The following ARHGEF18 variants were observed in gnomAD, a reference collection of about 807,000 sequenced individuals.
ARHGEF18 encodes the protein Rho/Rac guanine nucleotide exchange factor 18.
In ARHGEF18, 93 loss-of-function variants were observed where a neutral mutation model predicts 155.7. That is an observed-to-expected ratio of 0.60 (90% CI 0.50 to 0.71). ARHGEF18 has a LOEUF of 0.71. Ranked by LOEUF, ARHGEF18 falls within the 30% of genes least tolerant of loss-of-function variation. The pLI is 0.00. For synonymous variants in ARHGEF18, 742 were observed against 753.1 expected, an observed-to-expected ratio of 0.99 and a Z score of 0.24; for missense variants, 1,593 against 1,816.1, an observed-to-expected ratio of 0.88 and a Z score of 2.23.
intron 1 of ARHGEF18, among the ~76,000 whole-genome samples, chr19:7,355,854 GC>G (rs1319244249): frequency 6.6e-6 from 1 of 152,170 alleles, no homozygotes; most frequent in Non-Finnish European, 1.5e-5. Flanking sequence ...ATTCTCCAGG[GC>G]CCCCTGGAAT....
chr19:7,459,313 T>C (rs1976051582), intron 19 of ARHGEF18, among the ~76,000 whole-genome samples: 1 of 152,180 alleles, frequency 6.6e-6, no homozygotes, highest in Non-Finnish European at 1.5e-5. Flanking sequence ...CCCAAACTCC[T>C]GGGCTCAAGC....
chr19:7,367,618 C>A (rs903707807), intron 2 of ARHGEF18, among the ~76,000 whole-genome samples: 1 of 150,420 alleles, frequency 6.6e-6, no homozygotes, highest in Admixed American at 6.7e-5. Flanking sequence ...TGGTGGTGGA[C>A]ACCTGTAATC....
chr19:7,477,236 C>T (rs372556304), downstream of ARHGEF18: 70 of 1,543,564 alleles, frequency 4.5e-5, 1 homozygote, highest in African/African-American at 3.5e-4. Context: ...GCCGCCGGCC[C>T]GGGCCGCCTG....
chr19:7,469,812 G>C, intron 27 of ARHGEF18, 92 bp from the exon 28 acceptor site: 6 of 1,483,788 alleles, frequency 4.0e-6, no homozygotes, highest in Non-Finnish European at 5.5e-6. Flanking sequence ...GTCAGGTGGG[G>C]GTGGCCAGGC....
At chr19:7,426,680 T>C (rs1444286731) in intron 10 of ARHGEF18, among the ~76,000 whole-genome samples, 1 of 152,124 alleles carries the variant, frequency 6.6e-6, no homozygotes, top group Non-Finnish European at 1.5e-5. Context: ...GAAATGCCGC[T>C]GCCGTGGCTG....
Position 7,379,163 on chromosome 19 carries a change from A to G in ARHGEF18, c.641A>G (p.His214Arg). ...QQVLQELRQY[H>R]GARQRACMSA... is the part of the protein sequence containing the mutation. ...GTGCTTCAAGAACTTCGACAGTACC[A>G]TGGGTAAGTGGGAATCGGGACAGGC... Residue 214 changes from histidine to arginine, a missense_variant, in exon 7 of 29, where the codon CAT becomes CGT. His to Arg is a conservative substitution (Grantham distance 29, BLOSUM62 0). Coordinates refer to ENST00000668164, the MANE Select transcript of ARHGEF18 (RefSeq NM_001367823.1). 2.4e-6 allele frequency: 3 copies of G among 1,232,474 alleles called. No homozygotes were observed. Among genetic ancestry groups the G allele is most frequent in the Non-Finnish European group, 3.0e-6 (3 of 988,310 alleles). The allele number at this position is 1,232,474 out of a possible 1,614,324, so 76.3% of individuals were successfully genotyped here. A position where few individuals can be genotyped will look rare whatever the true frequency, so the allele number is the denominator to read the frequency against.
intron 10 of ARHGEF18, among the ~76,000 whole-genome samples, chr19:7,414,967 C>T (rs1972913647): frequency 6.6e-6 from 1 of 152,058 alleles, no homozygotes; most frequent in Non-Finnish European, 1.5e-5. Context: ...TGCACTCCAG[C>T]CTGGGCCACA....
the ARHGEF18 span, among the ~76,000 whole-genome samples, chr19:7,479,149 A>G: frequency 6.6e-6 from 1 of 152,170 alleles, no homozygotes; most frequent in South Asian, 2.1e-4. Context: ...CTGGGGGGCT[A>G]GGGAAAAACA....
chr19:7,404,728 G>A (rs1972208803), intron 10 of ARHGEF18, among the ~76,000 whole-genome samples: 1 of 152,108 alleles, frequency 6.6e-6, no homozygotes, highest in Admixed American at 6.6e-5. Flanking sequence ...CAGTCCTGGA[G>A]TATTTTAGCA....
chr19:7,396,865 TGAAGTA>T (rs1001732724), intron 10 of ARHGEF18, among the ~76,000 whole-genome samples: 3 of 152,126 alleles, frequency 2.0e-5, no homozygotes, highest in Non-Finnish European at 4.4e-5. Flanking sequence ...GGGGTTTCTA[TGAAGTA>T]ATCTGTGTAA....
At chr19:7,392,240 C>CAAAAAAAAAA (rs3997574) in intron 10 of ARHGEF18, among the ~76,000 whole-genome samples, 1 of 72,054 alleles carries the variant, frequency 1.4e-5, no homozygotes, top group Non-Finnish European at 2.9e-5. Flanking sequence ...GACTCCGTCT[C>CAAAAAAAAAA]AAAAAAAAAA....
rs1970434912 is a variant in ARHGEF18, at chr19:7,375,805, G to A, written c.361G>A (p.Gly121Arg). 4 of 1,234,508 alleles carry A rather than the reference G, an allele frequency of 3.2e-6. No homozygotes were observed. The highest frequency in any genetic ancestry group is 4.0e-6 in the Non-Finnish European group (4 of 988,268). The allele number at this position is 1,234,508 out of a possible 1,614,324, so 76.5% of individuals were successfully genotyped here. Residue 121 changes from glycine to arginine, a missense_variant, in exon 4 of 29, where the codon GGG becomes AGG. Transcript: ENST00000668164. The part of the protein sequence containing the change: ...ASLALNLPGG[G>R]LKTWTQGCLS... ...CCTTGCTTTGAACCTGCCAGGAGGA[G>A]GGCTGAAGACCTGGACTCAAGGGTG...
the ARHGEF18 span, among the ~76,000 whole-genome samples, chr19:7,479,263 C>CA: frequency 6.6e-6 from 1 of 152,176 alleles, no homozygotes; most frequent in Non-Finnish European, 1.5e-5. Context: ...GCCGGTGGAT[C>CA]ACCTGAGGTC....
intron 3 of ARHGEF18, 26 bp downstream of exon 3, chr19:7,373,097 C>T: frequency 8.1e-7 from 1 of 1,234,402 alleles, no homozygotes. Context: ...CTGCCTGCTT[C>T]CCACAATGCA....
At chr19:7,447,443 C>A (rs1046598232) in intron 15 of ARHGEF18, among the ~76,000 whole-genome samples, 2 of 151,602 alleles carry the variant, frequency 1.3e-5, no homozygotes, top group South Asian at 2.1e-4. Flanking sequence ...GAGCCGAGAT[C>A]GTGCCACTGC....
chr19:7,427,318 T>C (rs1407827717), intron 10 of ARHGEF18, among the ~76,000 whole-genome samples: 1 of 152,134 alleles, frequency 6.6e-6, no homozygotes, highest in Non-Finnish European at 1.5e-5. Context: ...GTCTGTGGGC[T>C]TCATGTGTCC....
intron 10 of ARHGEF18, 34 bp downstream of exon 10, chr19:7,383,237 G>A (rs954399950): frequency 2.0e-4 from 252 of 1,232,196 alleles, no homozygotes; most frequent in Non-Finnish European, 2.4e-4. Context: ...CCTCCTGGAG[G>A]GCAGCCACTT....
intron 10 of ARHGEF18, chr19:7,439,807 A>G: frequency 7.0e-7 from 1 of 1,433,126 alleles, no homozygotes; most frequent in Non-Finnish European, 9.2e-7. Context: ...TCATGATCTT[A>G]GACTATTTAC....
In ARHGEF18 at chr19:7,462,189, C is replaced by T; in HGVS notation, c.2490C>T (p.Ser830=). Residue 830 remains serine (S), a synonymous_variant, in exon 21 of 29, where the codon AGC becomes AGT. Transcript: ENST00000668164. The surrounding 1 kb of genome is among the most constrained non-coding windows in gnomAD (Gnocchi z 4.4). ...LSMKDQLIAQ[S]LLEKQQIYLE... The stretch of plus-strand genomic sequence containing the variant: ...TGAAAGACCAGCTGATCGCACAGAG[C>T]CTCCTAGAGAAACAGCAGATCTACC... The T allele has an allele frequency of 6.2e-7, 1 of 1,614,012 alleles. No homozygotes were observed.
Sources: gnomAD v4.1 joint callset for allele counts (sites outside exome capture counted in the v4.1 genomes callset) on GRCh38, gnomAD v4.1.1 for gene constraint, Gnocchi (gnomAD v3.1) non-coding constraint, MANE v1.5 for transcripts, NCBI Gene and HGNC (gene_info 2026-07-23, HGNC 2026-07-21) for gene names.